Variants in UBTD2 observed in about 807,000 individuals in gnomAD.
UBTD2 encodes ubiquitin domain-containing protein 2.
A neutral mutation model predicts 19.8 loss-of-function variants in UBTD2; 9 were observed. The observed-to-expected ratio is 0.46, with a 90% CI of 0.27 to 0.79. UBTD2 has a LOEUF of 0.79. UBTD2 is among the 30% of genes least tolerant of loss of function. The probability of loss-of-function intolerance (pLI) is 0.14; values close to 1 mark genes in which losing one functional copy is unlikely to be tolerated. For missense variants in UBTD2, 250 were observed against 300.4 expected (o/e 0.83, Z 1.24); for synonymous variants, 98 against 103.9 (o/e 0.94, Z 0.35).
At chr5:172,222,584 C>T (rs1771674291) in intron 2 of UBTD2, among the ~76,000 whole-genome samples, 1 of 152,132 alleles carries the variant, frequency 6.6e-6, no homozygotes, top group South Asian at 2.1e-4. Context: ...AGAAAAGTGA[C>T]TAGAGTTGGT....
intron 2 of UBTD2, among the ~76,000 whole-genome samples, chr5:172,232,755 G>A (rs960067539): frequency 5.3e-5 from 8 of 151,216 alleles, no homozygotes; most frequent in Admixed American, 1.3e-4. Flanking sequence ...ATGGTGATGC[G>A]TGCCTGTAGT....
intron 1 of UBTD2, among the ~76,000 whole-genome samples, chr5:172,276,720 G>A (rs551273335): frequency 6.6e-6 from 1 of 151,902 alleles, no homozygotes; most frequent in East Asian, 1.9e-4. Context: ...GGGAGGGAAA[G>A]ACGGAAGAAA....
At chr5:172,270,615 A>G (rs1229124755) in intron 1 of UBTD2, among the ~76,000 whole-genome samples, 2 of 151,984 alleles carry the variant, frequency 1.3e-5, no homozygotes, top group Admixed American at 6.6e-5. Context: ...CAGCCTCCCA[A>G]AGTGCTGGGA....
At chr5:172,271,296 G>A (rs1310798372) in intron 1 of UBTD2, among the ~76,000 whole-genome samples, 1 of 152,064 alleles carries the variant, frequency 6.6e-6, no homozygotes, top group African/African-American at 2.4e-5. Flanking sequence ...AGGCGTGGTG[G>A]CAGGCGCTTG....
chr5:172,241,910 T>C (rs1428165517), intron 1 of UBTD2, among the ~76,000 whole-genome samples: 1 of 152,158 alleles, frequency 6.6e-6, no homozygotes, highest in Non-Finnish European at 1.5e-5. Flanking sequence ...TCCCAGCTAC[T>C]TGCGGACTGA....
chr5:172,273,771 G>T lies in UBTD2; in HGVS notation c.70+9825C>A, dbSNP rs962950201. On this transcript the variant is annotated intron_variant, in intron 1 of 2. Coordinates refer to ENST00000393792, the MANE Select transcript of UBTD2 (RefSeq NM_152277.3). ...TAGTGCTAAAACTTTTCCCAAAGAG[G>T]ATTCAGCTCTCCTCATGTCTAATAT... Among the ~76,000 whole-genome samples the T allele has an allele frequency of 4.6e-5, 7 of 152,022 alleles. No individual in the cohort carries two copies. In the South Asian group the frequency reaches 1.5e-3, roughly 32 times the overall value.
chr5:172,264,560 T>A (rs1452080678), intron 1 of UBTD2, among the ~76,000 whole-genome samples: 1 of 89,618 alleles, frequency 1.1e-5, no homozygotes, highest in South Asian at 4.3e-4. Flanking sequence ...AATTAAAAAA[T>A]TAAAAAAAAA....
Position 172,283,152 on chromosome 5 carries a change from C to A in UBTD2, c.70+444G>T, listed in dbSNP as rs923394274. Among the ~76,000 whole-genome samples the A allele has an allele frequency of 6.6e-6, 1 of 152,202 alleles. No homozygotes were observed. Among genetic ancestry groups the A allele is most frequent in the Non-Finnish European group, 1.5e-5 (1 of 68,040 alleles). ...GAAACTCAGGAAAGCTGAGACCAGC[C>A]AACTCCACAGAACAAGGAAGGGTGC... is the stretch of plus-strand genomic sequence containing the variant. On this transcript the variant is annotated intron_variant, in intron 1 of 2. Transcript: ENST00000393792. The surrounding 1 kb of genome is among the most constrained non-coding windows in gnomAD (Gnocchi z 4.3).
At chr5:172,218,790 TAAAAAAATAAAA>T (rs1435509957) in intron 2 of UBTD2, among the ~76,000 whole-genome samples, 8 of 51,094 alleles carry the variant, frequency 1.6e-4, no homozygotes, top group East Asian at 5.2e-4. Flanking sequence ...AAAAAAAAAA[TAAAAAAATAAAA>T]AAAAAAATAA....
At chr5:172,259,218 C>A (rs553767717) in intron 1 of UBTD2, among the ~76,000 whole-genome samples, 1 of 152,200 alleles carries the variant, frequency 6.6e-6, no homozygotes, top group South Asian at 2.1e-4. Context: ...CCTCGGCTGA[C>A]TGCAACCTCT....
intron 1 of UBTD2, chr5:172,254,935 G>C: frequency 1.9e-6 from 1 of 518,058 alleles, no homozygotes; most frequent in Non-Finnish European, 3.7e-6. Flanking sequence ...TCCTCAAGGA[G>C]ACCATGAGAG....
intron 1 of UBTD2, among the ~76,000 whole-genome samples, chr5:172,268,783 G>T (rs575045136): frequency 5.3e-5 from 8 of 152,208 alleles, no homozygotes; most frequent in Admixed American, 1.3e-4. Flanking sequence ...AGAGGAGGAG[G>T]AGTTCTGGAT....
intron 2 of UBTD2, among the ~76,000 whole-genome samples, chr5:172,221,944 T>C (rs1298466926): frequency 6.6e-6 from 1 of 152,164 alleles, no homozygotes; most frequent in African/African-American, 2.4e-5. Context: ...GCTATGCATG[T>C]GTGGGAGCAG....
intron 1 of UBTD2, among the ~76,000 whole-genome samples, chr5:172,258,608 T>C (rs796418434): frequency 1.3e-5 from 2 of 152,098 alleles, no homozygotes; most frequent in South Asian, 2.1e-4. Flanking sequence ...TCCATGAGCA[T>C]TTGTTTATGT....
chr5:172,278,572 A>G (rs1048708804), intron 1 of UBTD2, among the ~76,000 whole-genome samples: 2 of 152,152 alleles, frequency 1.3e-5, no homozygotes, highest in Non-Finnish European at 2.9e-5. Context: ...TTTAGCCATA[A>G]AAAGGATAGA....
At chr5:172,273,091 AAAAAT>A (rs1162680368) in intron 1 of UBTD2, among the ~76,000 whole-genome samples, 3 of 80,438 alleles carry the variant, frequency 3.7e-5, no homozygotes, top group African/African-American at 1.3e-4. Flanking sequence ...TCTCAAAAAA[AAAAAT>A]AAAAATAAAA....
intron 2 of UBTD2, among the ~76,000 whole-genome samples, chr5:172,224,051 G>A (rs988445053): frequency 1.3e-5 from 2 of 152,110 alleles, no homozygotes; most frequent in African/African-American, 2.4e-5. Context: ...ACTGAGAGAA[G>A]TTTCAGTGGT....
At chr5:172,239,277 C>T (rs1482658392) in intron 1 of UBTD2, among the ~76,000 whole-genome samples, 1 of 152,162 alleles carries the variant, frequency 6.6e-6, no homozygotes, top group South Asian at 2.1e-4. Context: ...TACTAGAACA[C>T]ACATGCCCAA....
chr5:172,223,447 A>C (rs1771691374), intron 2 of UBTD2, among the ~76,000 whole-genome samples: 2 of 151,808 alleles, frequency 1.3e-5, no homozygotes, highest in Non-Finnish European at 1.5e-5. Flanking sequence ...AAAAATACAA[A>C]AATTAGCCAG....
Sources: allele counts gnomAD v4.1 joint callset (sites outside exome capture counted in the v4.1 genomes callset), GRCh38; gene constraint gnomAD v4.1.1; non-coding constraint Gnocchi (gnomAD v3.1); transcripts MANE v1.5; gene names NCBI Gene and HGNC (gene_info 2026-07-23, HGNC 2026-07-21).